Variants in KPNA7 observed in about 807,000 individuals in gnomAD.
The protein encoded by KPNA7 is importin subunit alpha-8.
In KPNA7, 54 loss-of-function variants were observed where a neutral mutation model predicts 53.7. The observed-to-expected ratio is 1.01, with a 90% CI of 0.81 to 1.26. The LOEUF (loss-of-function observed/expected upper bound fraction) is 1.26, where lower values mean the gene tolerates loss of function less well. KPNA7 is among the 50% of genes most tolerant of loss of function. The probability of loss-of-function intolerance (pLI) is 0.00; values close to 1 mark genes in which losing one functional copy is unlikely to be tolerated. For synonymous variants in KPNA7, 276 were observed against 259.3 expected, an observed-to-expected ratio of 1.06 and a Z score of -0.62; for missense variants, 640 against 644.5, an observed-to-expected ratio of 0.99 and a Z score of 0.07.
chr7:99,216,052 G>C (rs532633123), intron 1 of KPNA7, among the ~76,000 whole-genome samples: 31 of 151,218 alleles, frequency 2.1e-4, no homozygotes, highest in Non-Finnish European at 3.8e-4. Flanking sequence ...TTTTGAGATA[G>C]GTCTTACTCC....
At chr7:99,179,790 G>A (rs981144893) in intron 9 of KPNA7, among the ~76,000 whole-genome samples, 3 of 151,842 alleles carry the variant, frequency 2.0e-5, no homozygotes, top group Non-Finnish European at 4.4e-5. Flanking sequence ...GCTCAGGCTT[G>A]TCTTGAAGTC....
At chr7:99,163,375 ATATATATATTTT>A in the KPNA7 span, among the ~76,000 whole-genome samples, 1 of 61,448 alleles carries the variant, frequency 1.6e-5, no homozygotes, top group Non-Finnish European at 3.3e-5. Context: ...ATATATATAT[ATATATATATTTT>A]TTTTTTTTTT....
At chr7:99,191,681 GCT>G (rs1167407682) in intron 6 of KPNA7, among the ~76,000 whole-genome samples, 1 of 151,738 alleles carries the variant, frequency 6.6e-6, no homozygotes, top group Non-Finnish European at 1.5e-5. Context: ...ACAGAGTCTT[GCT>G]CTGTTGCCCA....
At chr7:99,195,028 A>G (rs769602257) in intron 5 of KPNA7, 42 bp downstream of exon 5, 9 of 1,543,102 alleles carry the variant, frequency 5.8e-6, no homozygotes, top group Non-Finnish European at 7.9e-6. Flanking sequence ...TATCCCACAC[A>G]CCTGGCCCCG....
chr7:99,161,222 A>ACTCTCTCTCT, the KPNA7 span, among the ~76,000 whole-genome samples: 36 of 147,842 alleles, frequency 2.4e-4, no homozygotes, highest in African/African-American at 8.7e-4. Flanking sequence ...ATGTACACAA[A>ACTCTCTCTCT]CTCTCTCTCT....
the KPNA7 span, among the ~76,000 whole-genome samples, chr7:99,147,957 C>CGCAT: frequency 6.6e-6 from 1 of 151,166 alleles, no homozygotes; most frequent in Non-Finnish European, 1.5e-5. Flanking sequence ...CGCAAGGCTG[C>CGCAT]AGTGAGCTAT....
chr7:99,194,130 G>C (rs1790102599), intron 5 of KPNA7, among the ~76,000 whole-genome samples: 1 of 152,168 alleles, frequency 6.6e-6, no homozygotes, highest in Non-Finnish European at 1.5e-5. Context: ...ATAGTCGGCT[G>C]ATCTTAATTT....
At chr7:99,216,404 T>C (rs1409391823) in intron 1 of KPNA7, among the ~76,000 whole-genome samples, 3 of 152,152 alleles carry the variant, frequency 2.0e-5, no homozygotes, top group African/African-American at 4.8e-5. Flanking sequence ...AAGACAAATG[T>C]CATCCACCTA....
chr7:99,201,701 C>A (rs1299682612), intron 3 of KPNA7, among the ~76,000 whole-genome samples: 2 of 149,506 alleles, frequency 1.3e-5, no homozygotes, highest in African/African-American at 4.9e-5. Flanking sequence ...AGAAAAACAA[C>A]TTTTTGGGGT....
At chr7:99,161,408 A>T in the KPNA7 span, among the ~76,000 whole-genome samples, 1 of 152,096 alleles carries the variant, frequency 6.6e-6, no homozygotes, top group African/African-American at 2.4e-5. Flanking sequence ...ACCACATACT[A>T]CCATTGTAAG....
rs1563062111 is a variant in KPNA7, at chr7:99,173,710, A to AT, written c.1548dup (p.Ter517IlefsTer8). On this transcript the variant is annotated frameshift_variant, in exon 11 of 11. Transcript: ENST00000327442. LOFTEE classifies it high-confidence loss of function. ...GGTTTAGGAGGTAGGGAGCTTGGCT[A>AT]TTTTTTTGCTAAGCATTCATAATCT... 8.4e-6 allele frequency: 13 copies of AT among 1,548,556 alleles called. No homozygotes were observed. Among genetic ancestry groups the AT allele is most frequent in the African/African-American group, 2.7e-5 (2 of 72,954 alleles).
At chr7:99,193,160 T>G (rs1790050417) in intron 5 of KPNA7, 59 bp from the exon 6 acceptor site, 2 of 1,109,070 alleles carry the variant, frequency 1.8e-6, no homozygotes. Flanking sequence ...CTGAAGTGGG[T>G]GACTAATTTT....
intron 9 of KPNA7, among the ~76,000 whole-genome samples, chr7:99,179,535 G>A (rs1470346196): frequency 2.6e-5 from 4 of 151,764 alleles, no homozygotes; most frequent in East Asian, 1.9e-4. Context: ...TAGCCTGGGT[G>A]ACAGAGTGAG....
At chr7:99,196,002 A>C (rs374100778) in intron 4 of KPNA7, 82 bp downstream of exon 4, 13 of 1,180,042 alleles carry the variant, frequency 1.1e-5, no homozygotes, top group South Asian at 5.5e-5. Context: ...CAAGAAACCA[A>C]ATAGGCCACC....
chr7:99,187,797 TTTAAAAAAAAAAAAAAAAAA>T (rs1183895440), intron 7 of KPNA7, among the ~76,000 whole-genome samples: 11 of 79,920 alleles, frequency 1.4e-4, no homozygotes, highest in African/African-American at 2.4e-4. Flanking sequence ...GGCCTTTTTT[TTTAAAAAAAAAAAAAAAAAA>T]AAAAAAAAAA....
chr7:99,180,756 T>C (rs928881171), intron 9 of KPNA7, among the ~76,000 whole-genome samples: 2 of 132,870 alleles, frequency 1.5e-5, no homozygotes, highest in African/African-American at 5.8e-5. Flanking sequence ...TCTCTCTCTC[T>C]CTCCCCGTCT....
intron 9 of KPNA7, among the ~76,000 whole-genome samples, chr7:99,181,030 T>TCTCC (rs1491430869): frequency 8.4e-6 from 1 of 119,028 alleles, no homozygotes. Flanking sequence ...TGTGTCTCTC[T>TCTCC]GTGTGTGTCT....
intron 4 of KPNA7, 117 bp from the exon 5 acceptor site, chr7:99,195,455 A>G: frequency 1.1e-6 from 1 of 951,682 alleles, no homozygotes; most frequent in South Asian, 1.7e-5. Flanking sequence ...TTGGGAGACC[A>G]AGGCGGGCAG....
At chr7:99,163,704 A>G in the KPNA7 span, among the ~76,000 whole-genome samples, 1,992 of 148,758 alleles carry the variant, frequency 0.013, 52 homozygotes, top group African/African-American at 0.05. Flanking sequence ...TATTTTATAT[A>G]TAACAAATAT....
Sources: allele counts gnomAD v4.1 joint callset (sites outside exome capture counted in the v4.1 genomes callset), GRCh38; gene constraint gnomAD v4.1.1; transcripts MANE v1.5; gene names NCBI Gene and HGNC (gene_info 2026-07-23, HGNC 2026-07-21).